KCNAB2: variants seen among roughly 807,000 people sequenced by gnomAD.
The protein encoded by KCNAB2 is voltage-gated potassium channel subunit beta-2.
Under a neutral mutation model 63.6 loss-of-function variants are expected in KCNAB2, and 29 were observed. The observed-to-expected ratio is 0.46, with a 90% CI of 0.34 to 0.62. The LOEUF (loss-of-function observed/expected upper bound fraction) is 0.62, where lower values mean the gene tolerates loss of function less well. KCNAB2 is among the 20% of genes least tolerant of loss of function. The probability of loss-of-function intolerance (pLI) is 0.01; values close to 1 mark genes in which losing one functional copy is unlikely to be tolerated. For synonymous variants in KCNAB2, 222 were observed against 224.2 expected (o/e 0.99, Z 0.09); for missense variants, 359 against 563.9 (o/e 0.64, Z 3.68).
intron 1 of KCNAB2, among the ~76,000 whole-genome samples, chr1:5,997,565 T>C (rs1461495028): frequency 6.6e-6 from 1 of 152,202 alleles, no homozygotes; most frequent in East Asian, 1.9e-4. Flanking sequence ...TCCCCCTCCT[T>C]CACCATGAAT....
In KCNAB2 at chr1:6,060,700, C is replaced by G. The variant is rs1169327719; in HGVS notation, c.218+8946C>G. 9.9e-5 allele frequency among the ~76,000 whole-genome samples: 15 copies of G among 152,170 alleles called. No individual in the cohort carries two copies. The East Asian group carries it at 2.7e-3, about 27-fold the overall frequency. ...GTGGCGGATCACAAGGTCAAGAGATCGAGACCATCCTAGCCAACATGCTGA... is the reference window on the plus strand; with the variant it reads ...GTGGCGGATCACAAGGTCAAGAGATGGAGACCATCCTAGCCAACATGCTGA... On this transcript the variant is annotated intron_variant, in intron 2 of 15. Transcript: ENST00000378083.
intron 1 of KCNAB2, among the ~76,000 whole-genome samples, chr1:6,039,965 CAG>C (rs1660362003): frequency 1.3e-5 from 2 of 152,326 alleles, no homozygotes; most frequent in South Asian, 4.1e-4. Context: ...CACTCCAGGA[CAG>C]GGGCTGCCCA....
At chr1:5,995,436 G>T (rs918768969) in intron 1 of KCNAB2, among the ~76,000 whole-genome samples, 1 of 152,234 alleles carries the variant, frequency 6.6e-6, no homozygotes, top group Non-Finnish European at 1.5e-5. Context: ...GGACATGACC[G>T]GCTGTCCCTT....
Position 6,028,059 on chromosome 1 carries a change from G to A in KCNAB2, c.-52-12458G>A, listed in dbSNP as rs2100368021. Reference sequence around the variant, plus strand: ...CTCTGGGGTGTCCTTCTGACAAATGGGCCTTTCTTCCAGATCCCCATCATG... The same window carrying A: ...CTCTGGGGTGTCCTTCTGACAAATGAGCCTTTCTTCCAGATCCCCATCATG... On this transcript the variant is annotated intron_variant, in intron 1 of 16. Transcript: ENST00000341524. This position sits in a 1 kb window ranked among gnomAD's most constrained non-coding sequence, Gnocchi z 4.0. Among the ~76,000 whole-genome samples the A allele has an allele frequency of 6.6e-6, 1 of 152,326 alleles. No individual in the cohort carries two copies. The highest frequency in any genetic ancestry group is 2.1e-4 in the South Asian group (1 of 4,832).
At chr1:6,033,987 C>T (rs765701931), upstream of KCNAB2, among the ~76,000 whole-genome samples, 8 of 151,898 alleles carry the variant, frequency 5.3e-5, no homozygotes, top group Non-Finnish European at 7.4e-5. Flanking sequence ...GGGCCCTGCA[C>T]CCCGTCAGCT....
intron 1 of KCNAB2, among the ~76,000 whole-genome samples, chr1:6,025,331 C>T (rs1301343700): frequency 2.0e-5 from 3 of 152,092 alleles, no homozygotes; most frequent in African/African-American, 7.2e-5. Context: ...GTGCAGGTGG[C>T]TGGCACCATG....
chr1:6,063,560 C>T (rs1662501607), intron 2 of KCNAB2, among the ~76,000 whole-genome samples: 4 of 152,066 alleles, frequency 2.6e-5, no homozygotes, highest in Admixed American at 1.3e-4. Context: ...CAGGTGTGTG[C>T]CACCACAGCC....
chr1:6,035,143 C>T lies in KCNAB2; in HGVS notation c.-53+349C>T, dbSNP rs1188648975. Among the ~76,000 whole-genome samples, 4 of 152,040 alleles carry T rather than the reference C, an allele frequency of 2.6e-5. No individual in the cohort carries two copies. The highest frequency in any genetic ancestry group is 7.3e-5 in the African/African-American group (3 of 41,372). Reference sequence around the variant, plus strand: ...CGGTGGTCAGAAGTTGAATTCGGGCCGGAGGAGGAGGAGTGCATGAAGCCC... The same window carrying T: ...CGGTGGTCAGAAGTTGAATTCGGGCTGGAGGAGGAGGAGTGCATGAAGCCC... On this transcript the variant is annotated intron_variant, in intron 1 of 15. Transcript: ENST00000164247. This position sits in a 1 kb window ranked among gnomAD's most constrained non-coding sequence, Gnocchi z 5.0.
intron 1 of KCNAB2, among the ~76,000 whole-genome samples, chr1:5,998,811 A>G (rs1657078201): frequency 6.6e-6 from 1 of 152,202 alleles, no homozygotes. Flanking sequence ...TACCCATCTG[A>G]CTGAGGCAGA....
At position 6,009,932 on chromosome 1, in the gene KCNAB2, G is replaced by A. The variant is rs146391328; in HGVS notation, c.-53+17144G>A. On this transcript the variant is annotated intron_variant, in intron 1 of 16. Transcript: ENST00000341524. The stretch of plus-strand genomic sequence containing the variant: ...GCCGCCCAGGCTGGAATGCAGTGGC[G>A]CAATCTTATCTCACTGCAACCTCCA... Among the ~76,000 whole-genome samples the A allele has an allele frequency of 8.5e-3, 1,277 of 149,968 alleles. 75 individuals carry two copies. Among genetic ancestry groups the A allele is most frequent in the Non-Finnish European group, 1.7e-3 (117 of 67,776 alleles).
Position 6,090,427 on chromosome 1 carries a change from G to A in KCNAB2, c.553G>A (p.Val185Met), listed in dbSNP as rs765207634. The A allele has an allele frequency of 8.7e-6, 14 of 1,613,952 alleles. No homozygotes were observed. The highest frequency in any genetic ancestry group is 1.7e-5 in the Admixed American group (1 of 60,014). The change falls in exon 9 of 16, where the codon GTG becomes ATG. Residue 185 changes from valine to methionine, a missense_variant. Val to Met is a conservative substitution (Grantham distance 21). Coordinates refer to ENST00000378083, the MANE Select transcript of KCNAB2 (RefSeq NM_001199862.2). ...ASLERLQLEY[V>M]DVVFANRPDP... ...CCTGGAGCGACTGCAGCTGGAGTAC[G>A]TGGATGTGGTGTTTGCCAACCGCCC... is the stretch of plus-strand genomic sequence containing the variant.
Position 6,072,805 on chromosome 1 carries a change from G to T in KCNAB2, c.262+7G>T. Reference sequence around the variant, plus strand: ...GTCTCCTGCCTGGGACTTGGTGAGTGTGGGGGTCCCCTCCGTCCCACCAGG... The same window carrying T: ...GTCTCCTGCCTGGGACTTGGTGAGTTTGGGGGTCCCCTCCGTCCCACCAGG... On this transcript the variant is annotated splice_region_variant and intron_variant, in intron 3 of 15. Coordinates refer to ENST00000378083, the MANE Select transcript of KCNAB2 (RefSeq NM_001199862.2). 5 of 1,613,664 alleles carry T rather than the reference G, an allele frequency of 3.1e-6. No homozygotes were observed. The highest frequency in any genetic ancestry group is 4.2e-6 in the Non-Finnish European group (5 of 1,179,672).
rs1662987770 is a variant in KCNAB2 at position 6,069,137 on chromosome 1, C to G, written c.219-3618C>G. Among the ~76,000 whole-genome samples the G allele has an allele frequency of 6.6e-6, 1 of 152,168 alleles. No homozygotes were observed. The highest frequency in any genetic ancestry group is 2.4e-5 in the African/African-American group (1 of 41,440). ...GGAAGCCCAGCCTGTCCTTAGGGAG[C>G]CTGGAATCTCGGAGCAGGGCAGGCG... is the stretch of plus-strand genomic sequence containing the variant. On this transcript the variant is annotated intron_variant, in intron 2 of 15. Transcript: ENST00000378083. This position sits in a 1 kb window ranked among gnomAD's most constrained non-coding sequence, Gnocchi z 5.4.
upstream of KCNAB2, among the ~76,000 whole-genome samples, chr1:6,031,910 G>T (rs1265715235): frequency 6.6e-6 from 1 of 151,960 alleles, no homozygotes; most frequent in African/African-American, 2.4e-5. The surrounding 1 kb of genome is among the most constrained non-coding windows in gnomAD (Gnocchi z 4.1). Context: ...GAAAGAGAGA[G>T]GGGCATGGGG....
chr1:6,073,976 C>T lies in KCNAB2; in HGVS notation c.300+206C>T, dbSNP rs1032658179. 5.0e-6 allele frequency: 3 copies of T among 595,128 alleles called. No individual in the cohort carries two copies. The highest frequency in any genetic ancestry group is 9.0e-6 in the Non-Finnish European group (3 of 331,732). The allele number at this position is 595,128 out of a possible 1,614,324, so 36.9% of individuals were successfully genotyped here. On this transcript the variant is annotated intron_variant, in intron 4 of 15. Transcript: ENST00000378083. This position sits in a 1 kb window ranked among gnomAD's most constrained non-coding sequence, Gnocchi z 5.7. ...GCCATGGCCAGAGGGGATGCCGAGT[C>T]TGGTGCCATCACCCAGCAGTGGATG...
rs1665950009 is a variant in KCNAB2, at chr1:6,100,330, G to C, written c.*1756G>C. The C allele has an allele frequency of 3.2e-6, 1 of 316,956 alleles. No individual in the cohort carries two copies. The highest frequency in any genetic ancestry group is 1.1e-4 in the South Asian group (1 of 8,792). 19.6% of individuals were successfully genotyped at this position (316,956 alleles called of 1,614,324 possible). ...ACCAAGTCCCGGGGGTCTCCACTCAGTCCTGCTGCCTGCTTCACCAGAAGC... is the reference window on the plus strand; with the variant it reads ...ACCAAGTCCCGGGGGTCTCCACTCACTCCTGCTGCCTGCTTCACCAGAAGC... On this transcript the variant is annotated 3_prime_UTR_variant, in exon 16 of 16. Transcript: ENST00000378083.
In KCNAB2 at chr1:6,096,857, G is replaced by C; in HGVS notation, c.1069+101G>C. The C allele has an allele frequency of 2.9e-6, 4 of 1,384,042 alleles. No individual in the cohort carries two copies. Among genetic ancestry groups the C allele is most frequent in the Non-Finnish European group, 3.8e-6 (4 of 1,043,546 alleles). 85.7% of individuals were successfully genotyped at this position (1,384,042 alleles called of 1,614,324 possible). Reference sequence around the variant, plus strand: ...GTTGCCATGGGGCCAGTGTCTCCGGGGAGAGAGGGAAGGGATCCCTGGACA... The same window carrying C: ...GTTGCCATGGGGCCAGTGTCTCCGGCGAGAGAGGGAAGGGATCCCTGGACA... On this transcript the variant is annotated intron_variant, in intron 14 of 15. Coordinates refer to ENST00000378083, the MANE Select transcript of KCNAB2 (RefSeq NM_001199862.2). The surrounding 1 kb of genome is among the most constrained non-coding windows in gnomAD (Gnocchi z 5.9).
chr1:6,015,016 CTTT>C (rs34742623), intron 1 of KCNAB2, among the ~76,000 whole-genome samples: 1 of 82,782 alleles, frequency 1.2e-5, no homozygotes, highest in Non-Finnish European at 2.3e-5. Flanking sequence ...GGTCACCTTC[CTTT>C]TTTTTTTTTT....
chr1:6,011,374 C>T lies in KCNAB2; in HGVS notation c.-53+18586C>T, dbSNP rs540996095. On this transcript the variant is annotated intron_variant, in intron 1 of 16. Transcript: ENST00000341524. ...TGCCCAGGGCCAGGTGTGCGGGAGG[C>T]GAGGCAGGCAGCTGTGCCCAGGGCC... Among the ~76,000 whole-genome samples the T allele has an allele frequency of 3.4e-5, 4 of 117,666 alleles. No homozygotes were observed. In the East Asian group the frequency reaches 1.0e-3, roughly 29 times the overall value. The allele number at this position is 117,666 out of a possible 152,430, so 77.2% of individuals were successfully genotyped here.
Sources: allele counts gnomAD v4.1 joint callset (sites outside exome capture counted in the v4.1 genomes callset), GRCh38; gene constraint gnomAD v4.1.1; non-coding constraint Gnocchi (gnomAD v3.1); transcripts MANE v1.5; gene names NCBI Gene and HGNC (gene_info 2026-07-23, HGNC 2026-07-21).